REC114: variants seen among roughly 807,000 people sequenced by gnomAD.
The protein encoded by REC114 is REC114 meiotic recombination protein, also known as meiotic recombination protein REC114.
REC114 carries 27 observed loss-of-function variants against 31.3 expected under a neutral mutation model. That is an observed-to-expected ratio of 0.86 (90% CI 0.64 to 1.19). The LOEUF (loss-of-function observed/expected upper bound fraction) is 1.19, where lower values mean the gene tolerates loss of function less well. REC114 is among the 50% of genes most tolerant of loss of function. REC114 has a pLI of 0.00. For synonymous variants in REC114, 134 were observed against 127.7 expected (o/e 1.05, Z -0.33); for missense variants, 344 against 326.9 (o/e 1.05, Z -0.40).
chr15:73,491,559 T>C (rs1056278350), intron 2 of REC114, among the ~76,000 whole-genome samples: 5 of 152,192 alleles, frequency 3.3e-5, no homozygotes, highest in Admixed American at 1.3e-4. Flanking sequence ...AGTGTCTTTA[T>C]AAGAAAGAAG....
At chr15:73,498,188 G>A (rs1441551678) in intron 2 of REC114, among the ~76,000 whole-genome samples, 1 of 151,674 alleles carries the variant, frequency 6.6e-6, no homozygotes, top group Admixed American at 6.6e-5. Flanking sequence ...TGCTTTGTGA[G>A]TCTTTTTAGA....
intron 2 of REC114, among the ~76,000 whole-genome samples, chr15:73,524,173 A>G (rs1291763500): frequency 6.6e-6 from 1 of 152,218 alleles, no homozygotes; most frequent in Non-Finnish European, 1.5e-5. Flanking sequence ...AACCCCTATT[A>G]GAGCAACATG....
chr15:73,531,180 T>A (rs1368911318), intron 2 of REC114, among the ~76,000 whole-genome samples: 1 of 152,108 alleles, frequency 6.6e-6, no homozygotes, highest in African/African-American at 2.4e-5. Flanking sequence ...GTAGGTGAAG[T>A]CAGAACTGAG....
chr15:73,451,377 C>G (rs1237172687), intron 1 of REC114, among the ~76,000 whole-genome samples: 2 of 152,154 alleles, frequency 1.3e-5, no homozygotes, highest in Non-Finnish European at 2.9e-5. Context: ...ACTAGAAAAT[C>G]TAGAAGAAAT....
In REC114 at chr15:73,461,416, G is replaced by A. The variant is rs948893198; in HGVS notation, c.160-12416G>A. 5.9e-5 allele frequency among the ~76,000 whole-genome samples: 9 copies of A among 151,784 alleles called. No individual in the cohort carries two copies. The East Asian group carries it at 1.5e-3, about 26-fold the overall frequency. On this transcript the variant is annotated intron_variant, in intron 1 of 5. Transcript: ENST00000331090. ...ATATAAAGCTGTGACACTTTTTGAG[G>A]GGTCTTAAAAGCAGAAAACAAAACC...
At chr15:73,496,806 C>A (rs1446705119) in intron 2 of REC114, among the ~76,000 whole-genome samples, 2 of 152,116 alleles carry the variant, frequency 1.3e-5, no homozygotes. Context: ...AGACCTTATT[C>A]AAAATTTGAA....
intron 1 of REC114, among the ~76,000 whole-genome samples, chr15:73,469,187 T>C (rs1381396595): frequency 6.6e-6 from 1 of 152,186 alleles, no homozygotes; most frequent in Non-Finnish European, 1.5e-5. Context: ...CTATCAGTTA[T>C]TGAGAGAGGG....
At chr15:73,502,846 T>G (rs1029699226) in intron 2 of REC114, among the ~76,000 whole-genome samples, 3 of 152,232 alleles carry the variant, frequency 2.0e-5, no homozygotes, top group Admixed American at 2.0e-4. Context: ...AGAATCCTGT[T>G]ACCTCCAAAA....
At chr15:73,554,867 A>T (rs943884926) in intron 4 of REC114, among the ~76,000 whole-genome samples, 1 of 152,196 alleles carries the variant, frequency 6.6e-6, no homozygotes, top group Non-Finnish European at 1.5e-5. Context: ...AGCTGAAATG[A>T]TAGGTATTCT....
At chr15:73,521,592 A>C (rs1374537791) in intron 2 of REC114, among the ~76,000 whole-genome samples, 6 of 152,170 alleles carry the variant, frequency 3.9e-5, no homozygotes, top group Non-Finnish European at 5.9e-5. Flanking sequence ...AACCCTTACA[A>C]AGACTAATTT....
At chr15:73,446,432 G>A (rs1416875826) in intron 1 of REC114, among the ~76,000 whole-genome samples, 1 of 152,154 alleles carries the variant, frequency 6.6e-6, no homozygotes, top group Non-Finnish European at 1.5e-5. Flanking sequence ...CTGAGGTCAG[G>A]AGTTTGAGAC....
intron 1 of REC114, among the ~76,000 whole-genome samples, chr15:73,446,452 C>T (rs1394125608): frequency 6.6e-6 from 1 of 152,028 alleles, no homozygotes; most frequent in Non-Finnish European, 1.5e-5. Context: ...CCAGCCTGGC[C>T]AACATGGCAA....
At chr15:73,451,641 A>G (rs1180251109) in intron 1 of REC114, among the ~76,000 whole-genome samples, 1 of 152,238 alleles carries the variant, frequency 6.6e-6, no homozygotes, top group Non-Finnish European at 1.5e-5. Context: ...CAAGGCCAGC[A>G]TCATCCTGAT....
intron 2 of REC114, among the ~76,000 whole-genome samples, chr15:73,479,218 A>T (rs1229479379): frequency 6.6e-6 from 1 of 150,870 alleles, no homozygotes; most frequent in Non-Finnish European, 1.5e-5. Context: ...GATCCAATTC[A>T]TAAAACCAGG....
chr15:73,540,598 C>T, intron 3 of REC114, 30 bp downstream of exon 3: 2 of 1,570,716 alleles, frequency 1.3e-6, no homozygotes, highest in South Asian at 1.1e-5. Flanking sequence ...TCACACTCTT[C>T]TCATCTTCTA....
intron 2 of REC114, among the ~76,000 whole-genome samples, chr15:73,507,670 TA>T (rs1050943443): frequency 6.6e-6 from 1 of 152,208 alleles, no homozygotes; most frequent in African/African-American, 2.4e-5. Context: ...TACGTACACA[TA>T]TATAGTGTTT....
At chr15:73,459,476 C>A (rs1349408337) in intron 1 of REC114, among the ~76,000 whole-genome samples, 2 of 152,160 alleles carry the variant, frequency 1.3e-5, no homozygotes, top group African/African-American at 4.8e-5. Context: ...AGATGATCCA[C>A]CCGCCTTAGC....
At chr15:73,538,884 T>A (rs1189270770) in intron 2 of REC114, among the ~76,000 whole-genome samples, 1 of 151,820 alleles carries the variant, frequency 6.6e-6, no homozygotes, top group Non-Finnish European at 1.5e-5. Context: ...CTGAGTTGTT[T>A]CCAATCTTAT....
intron 4 of REC114, 87 bp downstream of exon 4, chr15:73,551,237 T>C: frequency 7.7e-7 from 1 of 1,297,910 alleles, no homozygotes; most frequent in South Asian, 1.3e-5. Context: ...GTTTGTCAAG[T>C]CTGTTAGGTT....
Sources: gnomAD v4.1 joint callset for allele counts (sites outside exome capture counted in the v4.1 genomes callset) on GRCh38, gnomAD v4.1.1 for gene constraint, MANE v1.5 for transcripts, NCBI Gene and HGNC (gene_info 2026-07-23, HGNC 2026-07-21) for gene names.